The following KPNA7 variants were observed in gnomAD, a reference collection of about 807,000 sequenced individuals.
KPNA7 encodes importin subunit alpha-8.
KPNA7 carries 54 observed loss-of-function variants against 53.7 expected under a neutral mutation model. That is an observed-to-expected ratio of 1.01 (90% CI 0.81 to 1.26). The LOEUF (loss-of-function observed/expected upper bound fraction) is 1.26, where lower values mean the gene tolerates loss of function less well. Among genes scored for constraint, KPNA7 ranks in the 50% most tolerant of loss-of-function variants. The pLI, the probability that KPNA7 is intolerant of heterozygous loss-of-function variation, is 0.00. For missense variants in KPNA7, 640 were observed against 644.5 expected (o/e 0.99, Z 0.07); for synonymous variants, 276 against 259.3 (o/e 1.06, Z -0.62).
chr7:99,182,065 C>T lies in KPNA7; in HGVS notation c.1135G>A (p.Gly379Arg), dbSNP rs1161288800. 1.3e-6 allele frequency: 2 copies of T among 1,527,504 alleles called. No individual in the cohort carries two copies. The highest frequency in any genetic ancestry group is 2.4e-5 in the South Asian group (2 of 82,064). The allele number at this position is 1,527,504 out of a possible 1,614,324, so 94.6% of individuals were successfully genotyped here. A position where few individuals can be genotyped will look rare whatever the true frequency, so the allele number is the denominator to read the frequency against. Residue 379 changes from glycine (G) to arginine (R), a missense_variant and splice_region_variant, in exon 9 of 11, where the codon GGA (glycine) becomes AGA (arginine). Gly to Arg is a moderately radical substitution (Grantham distance 125). Transcript: ENST00000327442. Reference protein sequence around the residue: ...LPPLVALLKNGEFKVQKEAVW... With the variant: ...LPPLVALLKNREFKVQKEAVW... The stretch of plus-strand genomic sequence containing the variant: ...GCCTCTTTCTGGACTTTAAATTCTC[C>T]CTGCAGAACAAGAATGTTTCCATTC...
intron 10 of KPNA7, 51 bp from the exon 11 acceptor site, chr7:99,173,845 TCA>T (rs1798816415): frequency 1.8e-6 from 2 of 1,107,772 alleles, no homozygotes; most frequent in Non-Finnish European, 2.7e-6. Flanking sequence ...CAGCACATTA[TCA>T]CTGCACATTT....
At chr7:99,190,924 A>G (rs1789915894) in intron 6 of KPNA7, among the ~76,000 whole-genome samples, 1 of 152,064 alleles carries the variant, frequency 6.6e-6, no homozygotes, top group African/African-American at 2.4e-5. Context: ...CTAGCAAGGT[A>G]CATCTGTCAA....
chr7:99,194,972 G>A (rs1328894944), intron 5 of KPNA7, 98 bp downstream of exon 5: 2 of 1,363,420 alleles, frequency 1.5e-6, no homozygotes, highest in African/African-American at 1.5e-5. Context: ...ATGGCAAAGT[G>A]TTCTGGGACA....
In KPNA7 at chr7:99,178,552, C is replaced by G. The variant is rs560746290; in HGVS notation, c.1318-486G>C. Among the ~76,000 whole-genome samples, 6 of 151,792 alleles carry G rather than the reference C, an allele frequency of 4.0e-5. No homozygotes were observed. The South Asian group carries it at 6.3e-4, about 16-fold the overall frequency. ...CACTGCACTCCAGCCTGGATGACAG[C>G]ATAAGACTCAGTCTCAAAAAAAAAT... is the stretch of plus-strand genomic sequence containing the variant. On this transcript the variant is annotated intron_variant, in intron 9 of 10. Transcript: ENST00000327442.
downstream of KPNA7, among the ~76,000 whole-genome samples, chr7:99,171,193 C>G (rs1344894819): frequency 6.6e-6 from 1 of 152,138 alleles, no homozygotes; most frequent in African/African-American, 2.4e-5. Context: ...GCACTCCAGT[C>G]TGGGTAACAG....
the KPNA7 span, among the ~76,000 whole-genome samples, chr7:99,162,437 AT>A: frequency 6.6e-6 from 1 of 152,158 alleles, no homozygotes; most frequent in African/African-American, 2.4e-5. Flanking sequence ...AAACCAACCT[AT>A]AGCCATTCAC....
At chr7:99,171,302 G>T (rs1798765052), downstream of KPNA7, among the ~76,000 whole-genome samples, 1 of 152,180 alleles carries the variant, frequency 6.6e-6, no homozygotes, top group Admixed American at 6.5e-5. Context: ...TCTCTCAGAA[G>T]ATACATATTA....
intron 6 of KPNA7, among the ~76,000 whole-genome samples, chr7:99,191,453 C>A (rs1174169210): frequency 6.6e-6 from 1 of 152,148 alleles, no homozygotes. Context: ...CTATATAATT[C>A]TACGGCAGGC....
intron 2 of KPNA7, among the ~76,000 whole-genome samples, chr7:99,206,121 C>T (rs1790800218): frequency 6.6e-6 from 1 of 152,116 alleles, no homozygotes; most frequent in Non-Finnish European, 1.5e-5. Flanking sequence ...GTATACTGGC[C>T]CTTGAGGAAG....
intron 8 of KPNA7, among the ~76,000 whole-genome samples, chr7:99,183,730 T>C (rs1789413058): frequency 2.0e-5 from 3 of 151,906 alleles, no homozygotes; most frequent in Admixed American, 2.0e-4. Flanking sequence ...AGGTAACCAC[T>C]CCTGACTATA....
the KPNA7 span, among the ~76,000 whole-genome samples, chr7:99,150,905 G>T: frequency 6.6e-6 from 1 of 152,132 alleles, no homozygotes; most frequent in Non-Finnish European, 1.5e-5. Context: ...GCTGAGTCCT[G>T]GCGAGGCTCT....
rs1268598022 is a variant in KPNA7, at chr7:99,177,939, A to G, written c.1445T>C (p.Ile482Thr). Reference protein sequence around the residue: ...RQIGQSALNIIEKHFGEEEDE... With the variant: ...RQIGQSALNITEKHFGEEEDE... ...ACTTACCTCACCAAAGTGCTTCTCGATGATGTTCAAAGCCGACTGGCCAAT... is the reference window on the plus strand; with the variant it reads ...ACTTACCTCACCAAAGTGCTTCTCGGTGATGTTCAAAGCCGACTGGCCAAT... Residue 482 changes from isoleucine (I) to threonine (T), a missense_variant, in exon 10 of 11, where the codon ATC becomes ACC. Physicochemically the swap from Ile to Thr is moderately conservative, Grantham distance 89. Transcript: ENST00000327442. The G allele has an allele frequency of 1.3e-6, 2 of 1,551,836 alleles. No homozygotes were observed. The highest frequency in any genetic ancestry group is 2.4e-5 in the East Asian group (1 of 40,916).
At chr7:99,209,605 C>T (rs1288501748), upstream of KPNA7, among the ~76,000 whole-genome samples, 2 of 136,250 alleles carry the variant, frequency 1.5e-5, no homozygotes, top group Non-Finnish European at 3.1e-5. Flanking sequence ...ATCGCTTGAA[C>T]CCAGGGGGCG....
upstream of KPNA7, among the ~76,000 whole-genome samples, chr7:99,212,219 G>C (rs919380351): frequency 6.9e-6 from 1 of 145,140 alleles, no homozygotes; most frequent in African/African-American, 2.5e-5. Context: ...ACTGGTGTCC[G>C]ATCCACATGT....
At chr7:99,191,077 C>A (rs1789923926) in intron 6 of KPNA7, among the ~76,000 whole-genome samples, 1 of 152,050 alleles carries the variant, frequency 6.6e-6, no homozygotes, top group South Asian at 2.1e-4. Flanking sequence ...CTAGGGGCAT[C>A]CTGGCTTCTT....
the KPNA7 span, among the ~76,000 whole-genome samples, chr7:99,158,092 C>G: frequency 4.0e-5 from 6 of 151,476 alleles, no homozygotes. Context: ...CTTATGTTGC[C>G]CACGCTGGTC....
At chr7:99,158,243 C>T in the KPNA7 span, among the ~76,000 whole-genome samples, 1 of 152,052 alleles carries the variant, frequency 6.6e-6, no homozygotes, top group African/African-American at 2.4e-5. Flanking sequence ...CATAAATCAG[C>T]TTTCATCCAT....
At chr7:99,178,323 C>G (rs184908061) in intron 9 of KPNA7, among the ~76,000 whole-genome samples, 15 of 152,250 alleles carry the variant, frequency 9.9e-5, no homozygotes, top group Admixed American at 8.5e-4. Flanking sequence ...TAATCCAACA[C>G]TTTGGGAGGC....
intron 2 of KPNA7, among the ~76,000 whole-genome samples, chr7:99,205,871 A>T (rs13239506): frequency 0.073 from 11,138 of 152,186 alleles, 464 homozygotes; most frequent in South Asian, 0.15. Flanking sequence ...AGATACAGAG[A>T]TGGAGGACAG....
Sources: gnomAD v4.1 joint callset for allele counts (sites outside exome capture counted in the v4.1 genomes callset) on GRCh38, gnomAD v4.1.1 for gene constraint, MANE v1.5 for transcripts, NCBI Gene and HGNC (gene_info 2026-07-23, HGNC 2026-07-21) for gene names.